The following GRIA4 variants were observed in gnomAD, a reference collection of about 807,000 sequenced individuals.
GRIA4 encodes the protein glutamate receptor 4.
GRIA4 carries 34 observed loss-of-function variants against 104.0 expected under a neutral mutation model. That is an observed-to-expected ratio of 0.33 (90% CI 0.25 to 0.44). The LOEUF is 0.44. Among genes scored for constraint, GRIA4 ranks in the 20% least tolerant of loss-of-function variants. The pLI is 1.00. For synonymous variants in GRIA4, 386 were observed against 381.9 expected, an observed-to-expected ratio of 1.01 and a Z score of -0.13; for missense variants, 750 against 1,096.5, an observed-to-expected ratio of 0.68 and a Z score of 4.46.
At chr11:105,896,855 C>T (rs945404873) in intron 6 of GRIA4, among the ~76,000 whole-genome samples, 4 of 152,028 alleles carry the variant, frequency 2.6e-5, no homozygotes, top group Non-Finnish European at 4.4e-5. Context: ...ATGCCTCTGG[C>T]TTTGTTCATT....
At chr11:105,660,289 A>G (rs1348239374) in intron 3 of GRIA4, among the ~76,000 whole-genome samples, 2 of 151,784 alleles carry the variant, frequency 1.3e-5, no homozygotes, top group Non-Finnish European at 2.9e-5. Flanking sequence ...GCAGGTGCTA[A>G]AAAGGAAAAA....
intron 4 of GRIA4, among the ~76,000 whole-genome samples, chr11:105,754,399 C>T (rs1940182813): frequency 6.6e-6 from 1 of 152,108 alleles, no homozygotes; most frequent in African/African-American, 2.4e-5. Flanking sequence ...TGAGCCATAA[C>T]ATTGAGTTTG....
chr11:105,843,392 A>T (rs1240557629), intron 4 of GRIA4, among the ~76,000 whole-genome samples: 1 of 152,226 alleles, frequency 6.6e-6, no homozygotes, highest in Non-Finnish European at 1.5e-5. Flanking sequence ...ATAATAGGCA[A>T]TAAATAATAA....
intron 4 of GRIA4, among the ~76,000 whole-genome samples, chr11:105,829,348 A>C (rs752122631): frequency 5.3e-5 from 8 of 151,978 alleles, no homozygotes; most frequent in Non-Finnish European, 1.0e-4. Flanking sequence ...AGTTACATGG[A>C]GTCAAGAAAA....
At chr11:105,618,314 A>C (rs1591445894) in intron 3 of GRIA4, among the ~76,000 whole-genome samples, 1 of 152,120 alleles carries the variant, frequency 6.6e-6, no homozygotes, top group East Asian at 1.9e-4. Context: ...AAAAGGGAGA[A>C]TCAATTGGAA....
chr11:105,898,134 A>C lies in GRIA4; in HGVS notation c.727-135A>C, dbSNP rs1946721853. On this transcript the variant is annotated intron_variant, in intron 6 of 16. Transcript: ENST00000282499. Reference sequence around the variant, plus strand: ...AATTAGATTTTCCACATCTTTTATTATCATTTTCCACATTTTTAGCCATTG... The same window carrying C: ...AATTAGATTTTCCACATCTTTTATTCTCATTTTCCACATTTTTAGCCATTG... 1.1e-5 allele frequency: 5 copies of C among 459,636 alleles called. No homozygotes were observed. In the South Asian group the frequency reaches 2.9e-4, roughly 27 times the overall value. The allele number at this position is 459,636 out of a possible 1,614,324, so 28.5% of individuals were successfully genotyped here. A position where few individuals can be genotyped will look rare whatever the true frequency, so the allele number is the denominator to read the frequency against.
At chr11:105,921,123 T>C (rs555737777) in intron 11 of GRIA4, among the ~76,000 whole-genome samples, 29 of 152,196 alleles carry the variant, frequency 1.9e-4, no homozygotes, top group Non-Finnish European at 3.4e-4. Flanking sequence ...ATAATTGTAA[T>C]GAACAGATTG....
chr11:105,627,965 C>T (rs907863990), intron 3 of GRIA4, among the ~76,000 whole-genome samples: 3 of 152,016 alleles, frequency 2.0e-5, no homozygotes, highest in Non-Finnish European at 2.9e-5. Context: ...GTACTACAAC[C>T]GTGACTTGCC....
At chr11:105,668,367 T>C (rs1952244420) in intron 3 of GRIA4, among the ~76,000 whole-genome samples, 1 of 148,988 alleles carries the variant, frequency 6.7e-6, no homozygotes. Context: ...ATATTGTATA[T>C]ATATAAAATA....
At chr11:105,794,796 A>G (rs1468081744) in intron 4 of GRIA4, among the ~76,000 whole-genome samples, 1 of 151,654 alleles carries the variant, frequency 6.6e-6, no homozygotes, top group Non-Finnish European at 1.5e-5. Flanking sequence ...CATCTTAATT[A>G]CATCTTTAGT....
chr11:105,620,674 C>T (rs1331726775), intron 3 of GRIA4, among the ~76,000 whole-genome samples: 1 of 151,786 alleles, frequency 6.6e-6, no homozygotes, highest in Non-Finnish European at 1.5e-5. Flanking sequence ...CTGTAACACT[C>T]CCATTACTTT....
chr11:105,806,915 A>T (rs1321467420), intron 4 of GRIA4, among the ~76,000 whole-genome samples: 1 of 151,880 alleles, frequency 6.6e-6, no homozygotes, highest in Non-Finnish European at 1.5e-5. Flanking sequence ...TTGAAGTGTA[A>T]CATTGACAAA....
chr11:105,858,117 G>C (rs987567799), intron 4 of GRIA4, among the ~76,000 whole-genome samples: 3 of 152,016 alleles, frequency 2.0e-5, no homozygotes, highest in African/African-American at 7.2e-5. Context: ...AATTGACAGT[G>C]TTCTTTAGTA....
chr11:105,892,472 T>C (rs1156743808), intron 6 of GRIA4, among the ~76,000 whole-genome samples: 1 of 152,180 alleles, frequency 6.6e-6, no homozygotes, highest in Non-Finnish European at 1.5e-5. Flanking sequence ...CTCCACCATG[T>C]CACACACATA....
intron 3 of GRIA4, among the ~76,000 whole-genome samples, chr11:105,650,677 C>T (rs1052867124): frequency 7.2e-5 from 11 of 152,104 alleles, no homozygotes; most frequent in Non-Finnish European, 1.3e-4. Context: ...GCCCTTGAGT[C>T]TCTGCAATTC....
intron 3 of GRIA4, among the ~76,000 whole-genome samples, chr11:105,630,675 T>A (rs552973802): frequency 6.6e-6 from 1 of 150,674 alleles, no homozygotes; most frequent in Admixed American, 6.6e-5. Context: ...AGTACCCAAG[T>A]AAGGCATTAA....
chr11:105,662,274 C>T (rs925870704), intron 3 of GRIA4, among the ~76,000 whole-genome samples: 1 of 151,910 alleles, frequency 6.6e-6, no homozygotes, highest in African/African-American at 2.4e-5. Flanking sequence ...AGTTGATTAG[C>T]TTGTCTGAGT....
intron 9 of GRIA4, among the ~76,000 whole-genome samples, chr11:105,906,718 C>T (rs925996895): frequency 2.0e-5 from 3 of 152,002 alleles, no homozygotes; most frequent in Non-Finnish European, 2.9e-5. Context: ...GGATGGCAGC[C>T]GGGGGGCCCA....
At chr11:105,746,395 G>A (rs1939658601) in intron 3 of GRIA4, among the ~76,000 whole-genome samples, 1 of 150,200 alleles carries the variant, frequency 6.7e-6, no homozygotes, top group Non-Finnish European at 1.5e-5. Context: ...AACAAATATT[G>A]TTATGAAAAT....
Sources: allele counts gnomAD v4.1 joint callset (sites outside exome capture counted in the v4.1 genomes callset), GRCh38; gene constraint gnomAD v4.1.1; transcripts MANE v1.5; gene names NCBI Gene and HGNC (gene_info 2026-07-23, HGNC 2026-07-21).